HDGFL3: variants seen among roughly 807,000 people sequenced by gnomAD.
The protein encoded by HDGFL3 is hepatoma-derived growth factor-related protein 3.
Under a neutral mutation model 27.6 loss-of-function variants are expected in HDGFL3, and 6 were observed. The ratio of observed to expected loss-of-function variants is 0.22; its 90% confidence interval spans 0.12 to 0.43. The LOEUF (loss-of-function observed/expected upper bound fraction) is 0.43, where lower values mean the gene tolerates loss of function less well. Among genes scored for constraint, HDGFL3 ranks in the 20% least tolerant of loss-of-function variants. The probability of loss-of-function intolerance (pLI) is 1.00; values close to 1 mark genes in which losing one functional copy is unlikely to be tolerated. For missense variants in HDGFL3, 207 were observed against 250.1 expected (o/e 0.83, Z 1.16); for synonymous variants, 88 against 88.9 (o/e 0.99, Z 0.05).
chr15:83,174,415 T>C (rs2037284133), intron 1 of HDGFL3, among the ~76,000 whole-genome samples: 2 of 152,064 alleles, frequency 1.3e-5, no homozygotes. Context: ...TTTTTCACAA[T>C]GTCTCCTTGT....
downstream of HDGFL3, among the ~76,000 whole-genome samples, chr15:83,124,052 A>G (rs551762385): frequency 4.3e-4 from 65 of 152,358 alleles, no homozygotes; most frequent in African/African-American, 1.5e-3. Context: ...TCATCATTAC[A>G]TTAAGTATAA....
intron 1 of HDGFL3, among the ~76,000 whole-genome samples, chr15:83,168,282 G>A (rs960679344): frequency 2.7e-5 from 4 of 148,206 alleles, no homozygotes; most frequent in African/African-American, 1.0e-4. Flanking sequence ...CCCCAAAGCT[G>A]AAAGAAGAAA....
rs370563884 is a variant in HDGFL3, at chr15:83,157,576, A to G, written c.301-3T>C. 6.2e-7 allele frequency: 1 copy of G among 1,607,058 alleles called. No individual in the cohort carries two copies. Among genetic ancestry groups the G allele is most frequent in the African/African-American group, 1.3e-5 (1 of 74,412 alleles). On this transcript the variant is annotated splice_polypyrimidine_tract_variant and splice_region_variant and intron_variant, in intron 3 of 5. Transcript: ENST00000299633. ...GAAGAGCTCTGTTGCTGAATTGCCTAAGAAATAATAAAATATTAGCTGATT... is the reference window on the plus strand; with the variant it reads ...GAAGAGCTCTGTTGCTGAATTGCCTGAGAAATAATAAAATATTAGCTGATT...
chr15:83,169,726 A>G (rs967014756), intron 1 of HDGFL3, among the ~76,000 whole-genome samples: 8 of 151,656 alleles, frequency 5.3e-5, no homozygotes. Flanking sequence ...ACTTGAACCC[A>G]GGAGGCAAGG....
intron 5 of HDGFL3, among the ~76,000 whole-genome samples, chr15:83,145,782 G>A (rs1484255150): frequency 1.3e-5 from 2 of 148,742 alleles, no homozygotes; most frequent in Non-Finnish European, 3.0e-5. Context: ...TGGTATCTCA[G>A]TTCCTTGGTG....
chr15:83,196,978 C>T (rs2037577650), intron 1 of HDGFL3, among the ~76,000 whole-genome samples: 1 of 152,206 alleles, frequency 6.6e-6, no homozygotes, highest in African/African-American at 2.4e-5. Context: ...AGGGCATGCC[C>T]ACTCTTGTTA....
At chr15:83,196,995 A>G (rs1045160968) in intron 1 of HDGFL3, among the ~76,000 whole-genome samples, 4 of 152,224 alleles carry the variant, frequency 2.6e-5, no homozygotes, top group African/African-American at 9.6e-5. Context: ...GTTAAGCTGC[A>G]CTACTTTTGT....
chr15:83,197,642 C>T (rs910134550), intron 1 of HDGFL3, among the ~76,000 whole-genome samples: 2 of 152,174 alleles, frequency 1.3e-5, no homozygotes, highest in African/African-American at 4.8e-5. Flanking sequence ...TAGCTTGATA[C>T]CTCCACAGTC....
intron 5 of HDGFL3, among the ~76,000 whole-genome samples, chr15:83,144,065 C>T (rs2036840529): frequency 1.3e-5 from 2 of 152,306 alleles, no homozygotes; most frequent in South Asian, 4.1e-4. Context: ...GCCAGGCAAT[C>T]GTCAGCACCA....
intron 1 of HDGFL3, among the ~76,000 whole-genome samples, chr15:83,186,876 T>C (rs545996195): frequency 2.6e-5 from 4 of 152,302 alleles, no homozygotes; most frequent in East Asian, 1.9e-4. Context: ...CATAAAGATA[T>C]TGAAAAATAA....
Position 83,136,262 on chromosome 15 carries a change from A to G in HDGFL3, c.*3008T>C. On this transcript the variant is annotated 3_prime_UTR_variant, in exon 6 of 6. Transcript: ENST00000299633. ...CACTAAATAATATCTACTTTATTTGAACAGTCATATCAAGAATGGCCCTAA... is the reference window on the plus strand; with the variant it reads ...CACTAAATAATATCTACTTTATTTGGACAGTCATATCAAGAATGGCCCTAA... 2.5e-6 allele frequency: 1 copy of G among 395,044 alleles called. No homozygotes were observed. The highest frequency in any genetic ancestry group is 4.5e-6 in the Non-Finnish European group (1 of 223,194). 24.5% of individuals were successfully genotyped at this position (395,044 alleles called of 1,614,324 possible). A position where few individuals can be genotyped will look rare whatever the true frequency, so the allele number is the denominator to read the frequency against.
chr15:83,200,924 T>G (rs1476130667), intron 1 of HDGFL3, among the ~76,000 whole-genome samples: 4 of 150,828 alleles, frequency 2.7e-5, no homozygotes, highest in Non-Finnish European at 5.9e-5. Context: ...TTTACCAGAC[T>G]AAATGTGGTA....
chr15:83,167,471 T>C (rs2037185773), intron 1 of HDGFL3, among the ~76,000 whole-genome samples: 1 of 151,694 alleles, frequency 6.6e-6, no homozygotes, highest in East Asian at 1.9e-4. Flanking sequence ...GGCAGGAGAA[T>C]TGCTTGAGCC....
Position 83,128,681 on chromosome 15 carries a change from TATAAA to T in HDGFL3, c.*10584_*10588del. 1 of 152,304 alleles carries T rather than the reference TATAAA, an allele frequency of 6.6e-6. No individual in the cohort carries two copies. Among genetic ancestry groups the T allele is most frequent in the African/African-American group, 2.4e-5 (1 of 41,564 alleles). The allele number at this position is 152,304 out of a possible 1,614,324, so 9.4% of individuals were successfully genotyped here. A position where few individuals can be genotyped will look rare whatever the true frequency, so the allele number is the denominator to read the frequency against. ...CCTCACTAGCACCTCAGATTTAATATATAAAATAGGACCTGATCCTCCCCACAACC... is the reference window on the plus strand; with the variant it reads ...CCTCACTAGCACCTCAGATTTAATATATAGGACCTGATCCTCCCCACAACC... On this transcript the variant is annotated 3_prime_UTR_variant, in exon 6 of 6. Transcript: ENST00000299633.
intron 1 of HDGFL3, among the ~76,000 whole-genome samples, chr15:83,168,394 T>C (rs1231089456): frequency 6.6e-6 from 1 of 151,868 alleles, no homozygotes; most frequent in Admixed American, 6.6e-5. Flanking sequence ...ATAAACAAGA[T>C]CCATAGATCG....
rs1567162314 is a variant in HDGFL3, at chr15:83,136,623, A to G, written c.*2647T>C. On this transcript the variant is annotated 3_prime_UTR_variant, in exon 6 of 6. Coordinates refer to ENST00000299633, the MANE Select transcript of HDGFL3 (RefSeq NM_016073.4). ...CAGCTCTTGGCCTATCGTTGTATCT[A>G]CAAACCAGAGTTCTTCATAAAAACA... 2 of 1,610,886 alleles carry G rather than the reference A, an allele frequency of 1.2e-6. No homozygotes were observed. The highest frequency in any genetic ancestry group is 1.7e-6 in the Non-Finnish European group (2 of 1,179,234).
At chr15:83,147,412 T>C (rs898574930) in intron 5 of HDGFL3, among the ~76,000 whole-genome samples, 5 of 152,240 alleles carry the variant, frequency 3.3e-5, no homozygotes, top group South Asian at 2.1e-4. Context: ...TCTTACATTA[T>C]CATTTTGTGA....
intron 2 of HDGFL3, among the ~76,000 whole-genome samples, chr15:83,159,107 T>C (rs1478098262): frequency 2.0e-5 from 3 of 152,150 alleles, no homozygotes; most frequent in Non-Finnish European, 2.9e-5. Flanking sequence ...TCCCAAAGTG[T>C]TGGGATTACA....
chr15:83,202,596 T>A (rs2037661234), intron 1 of HDGFL3, among the ~76,000 whole-genome samples: 3 of 152,124 alleles, frequency 2.0e-5, no homozygotes, highest in Admixed American at 2.0e-4. Flanking sequence ...TGAAATTTAA[T>A]CCATGTAGAA....
Sources: gnomAD v4.1 joint callset for allele counts (sites outside exome capture counted in the v4.1 genomes callset) on GRCh38, gnomAD v4.1.1 for gene constraint, MANE v1.5 for transcripts, NCBI Gene and HGNC (gene_info 2026-07-23, HGNC 2026-07-21) for gene names.